The following RBFOX1 variants were observed in gnomAD, a reference collection of about 807,000 sequenced individuals.
RBFOX1 encodes the protein RNA binding fox-1 homolog 1.
Under a neutral mutation model 57.7 loss-of-function variants are expected in RBFOX1, and 8 were observed. The ratio of observed to expected loss-of-function variants is 0.14; its 90% CI spans 0.08 to 0.25. The LOEUF (loss-of-function observed/expected upper bound fraction) is 0.25, where lower values mean the gene tolerates loss of function less well. Among genes scored for constraint, RBFOX1 ranks in the 10% least tolerant of loss-of-function variants. The pLI is 1.00. For missense variants in RBFOX1, 611 were observed against 548.5 expected (o/e 1.11, Z -1.14); for synonymous variants, 326 against 222.4 (o/e 1.47, Z -4.15).
intron 5 of RBFOX1, among the ~76,000 whole-genome samples, chr16:7,565,941 C>G (rs1017235813): frequency 6.6e-6 from 1 of 151,806 alleles, no homozygotes; most frequent in African/African-American, 2.4e-5. Context: ...TGGGGATGCT[C>G]GTGGATGAAG....
At chr16:7,374,487 C>G (rs1437250371) in intron 4 of RBFOX1, among the ~76,000 whole-genome samples, 2 of 152,074 alleles carry the variant, frequency 1.3e-5, no homozygotes, top group Admixed American at 6.5e-5. Flanking sequence ...ATCCAGCAGA[C>G]TCTAGCCTTA....
At chr16:7,047,498 T>G (rs2153721403) in intron 3 of RBFOX1, among the ~76,000 whole-genome samples, 1 of 152,274 alleles carries the variant, frequency 6.6e-6, no homozygotes. Context: ...AATTTTAGGC[T>G]TTACCAATAT....
At chr16:6,913,014 T>A (rs1171501804) in intron 3 of RBFOX1, among the ~76,000 whole-genome samples, 1 of 151,978 alleles carries the variant, frequency 6.6e-6, no homozygotes, top group Non-Finnish European at 1.5e-5. Context: ...CTACTTCCTA[T>A]TTCTGCTGGG....
At chr16:6,580,937 C>T (rs758057389) in intron 2 of RBFOX1, among the ~76,000 whole-genome samples, 51 of 150,572 alleles carry the variant, frequency 3.4e-4, no homozygotes, top group Non-Finnish European at 6.3e-4. Flanking sequence ...CCTTTTTTTC[C>T]CCCAAAATCA....
chr16:7,379,531 A>C (rs2097750561), intron 4 of RBFOX1, among the ~76,000 whole-genome samples: 1 of 152,234 alleles, frequency 6.6e-6, no homozygotes, highest in African/African-American at 2.4e-5. Context: ...CTGGAGTTTT[A>C]GTACTTTCTG....
chr16:6,988,309 G>C (rs567348241), intron 3 of RBFOX1, among the ~76,000 whole-genome samples: 52 of 152,216 alleles, frequency 3.4e-4, no homozygotes, highest in African/African-American at 1.1e-3. Flanking sequence ...GTCTATTGGA[G>C]TTTCCTGTGA....
chr16:5,514,646 T>C (rs1876352), intron 2 of RBFOX1, among the ~76,000 whole-genome samples: 151,247 of 152,150 alleles, frequency 0.99, 75,177 homozygotes, highest in East Asian at 1. Flanking sequence ...ACAAAACGGA[T>C]GCACATCTCT....
intron 4 of RBFOX1, among the ~76,000 whole-genome samples, chr16:5,999,196 C>G (rs905879625): frequency 6.6e-6 from 1 of 152,146 alleles, no homozygotes; most frequent in Non-Finnish European, 1.5e-5. Context: ...CCAACACTGC[C>G]TTTCCATTAT....
intron 4 of RBFOX1, among the ~76,000 whole-genome samples, chr16:7,425,586 A>G (rs2098602649): frequency 6.6e-6 from 1 of 152,220 alleles, no homozygotes; most frequent in Admixed American, 6.5e-5. Flanking sequence ...CTGAAATTAC[A>G]TAGTTTCCTC....
Position 7,594,436 on chromosome 16 carries a change from G to T in RBFOX1, c.469-1113G>T, listed in dbSNP as rs908094024. ...AGCTGGGTAAATTTATGTGGAAATT[G>T]TTCGAAAGGTTGGTGTATATTTCTG... On this transcript the variant is annotated intron_variant, in intron 7 of 15. Coordinates refer to ENST00000550418, the MANE Select transcript of RBFOX1 (RefSeq NM_018723.4). 2.6e-5 allele frequency among the ~76,000 whole-genome samples: 4 copies of T among 152,284 alleles called. No individual in the cohort carries two copies. The East Asian group carries it at 7.7e-4, about 29-fold the overall frequency.
intron 2 of RBFOX1, among the ~76,000 whole-genome samples, chr16:6,354,746 C>G (rs537429736): frequency 6.6e-6 from 1 of 152,186 alleles, no homozygotes; most frequent in Admixed American, 6.6e-5. Context: ...ATCTCTGAAA[C>G]CACTTGTGTC....
intron 2 of RBFOX1, among the ~76,000 whole-genome samples, chr16:6,410,735 C>G (rs11077038): frequency 0.45 from 67,969 of 152,002 alleles, 16,116 homozygotes; most frequent in East Asian, 0.55. Context: ...TTTGTATTAA[C>G]TTCTAGTGCA....
intron 2 of RBFOX1, among the ~76,000 whole-genome samples, chr16:6,342,126 C>T (rs1192152039): frequency 6.6e-6 from 1 of 152,136 alleles, no homozygotes; most frequent in Admixed American, 6.5e-5. Flanking sequence ...ACTATCAAAG[C>T]CCTGCTTTGA....
chr16:5,833,320 C>T (rs891987663), intron 3 of RBFOX1, among the ~76,000 whole-genome samples: 2 of 151,722 alleles, frequency 1.3e-5, no homozygotes, highest in Admixed American at 1.3e-4. Context: ...GGTGAAACCC[C>T]ATCTCTACTA....
At chr16:5,317,292 T>A (rs1919062) in intron 1 of RBFOX1, among the ~76,000 whole-genome samples, 2 of 152,206 alleles carry the variant, frequency 1.3e-5, no homozygotes, top group African/African-American at 2.4e-5. Flanking sequence ...CTAGTCTGCA[T>A]ATCTACTGTG....
At chr16:6,703,120 T>C (rs1207496409) in intron 3 of RBFOX1, among the ~76,000 whole-genome samples, 1 of 152,250 alleles carries the variant, frequency 6.6e-6, no homozygotes, top group Non-Finnish European at 1.5e-5. Context: ...AATATTTCAT[T>C]GTGAGAATAT....
chr16:6,578,798 T>C (rs1426522093), intron 2 of RBFOX1, among the ~76,000 whole-genome samples: 4 of 152,126 alleles, frequency 2.6e-5, no homozygotes, highest in Non-Finnish European at 4.4e-5. Context: ...AAATATAATA[T>C]AGATTTTTTT....
chr16:6,554,123 A>G (rs990496506), intron 2 of RBFOX1, among the ~76,000 whole-genome samples: 1 of 152,240 alleles, frequency 6.6e-6, no homozygotes, highest in Non-Finnish European at 1.5e-5. Context: ...AGTGTTAAAG[A>G]AGTAATTAGA....
chr16:7,423,364 TG>T (rs1177592223), intron 4 of RBFOX1, among the ~76,000 whole-genome samples: 1 of 147,844 alleles, frequency 6.8e-6, no homozygotes, highest in Non-Finnish European at 1.5e-5. Flanking sequence ...TTGTGGGGGG[TG>T]GGGGTGCAGG....
Sources: gnomAD v4.1 joint callset for allele counts (sites outside exome capture counted in the v4.1 genomes callset) on GRCh38, gnomAD v4.1.1 for gene constraint, MANE v1.5 for transcripts, NCBI Gene and HGNC (gene_info 2026-07-23, HGNC 2026-07-21) for gene names.